Variants in NAV3 observed in about 807,000 individuals in gnomAD.
NAV3 encodes the protein neuron navigator 3.
A neutral mutation model predicts 244.7 loss-of-function variants in NAV3; 87 were observed. That is an observed-to-expected ratio of 0.36 (90% CI 0.30 to 0.42). The LOEUF (loss-of-function observed/expected upper bound fraction) is 0.42. NAV3 is among the 20% of genes least tolerant of loss of function. The pLI is 1.00. For synonymous variants in NAV3, 1,126 were observed against 1,042.2 expected (o/e 1.08, Z -1.55); for missense variants, 2,663 against 2,893.3 (o/e 0.92, Z 1.83).
Position 77,976,292 on chromosome 12 carries a change from T to C in NAV3, c.671+7590T>C, listed in dbSNP as rs185622396. Among the ~76,000 whole-genome samples, 7 of 152,170 alleles carry C rather than the reference T, an allele frequency of 4.6e-5. No homozygotes were observed. In the South Asian group the frequency reaches 1.2e-3, roughly 27 times the overall value. On this transcript the variant is annotated intron_variant, in intron 5 of 39. Transcript: ENST00000397909. ...AGATGGAGCCTATAGATAAAAATCA[T>C]GGAAAAATAAGCAGATAGCAACAAT... is the stretch of plus-strand genomic sequence containing the variant.
intron 35 of NAV3, 58 bp downstream of exon 35, chr12:78,197,459 C>A: frequency 1.5e-6 from 2 of 1,344,858 alleles, no homozygotes; most frequent in South Asian, 1.6e-5. Flanking sequence ...TCAAATTTGC[C>A]TTCTTGTACC....
At chr12:77,901,146 G>A (rs1033075297) in intron 1 of NAV3, among the ~76,000 whole-genome samples, 5 of 152,166 alleles carry the variant, frequency 3.3e-5, no homozygotes, top group Non-Finnish European at 7.4e-5. Context: ...TGCACAGTTT[G>A]AGAATATTTT....
chr12:77,617,414 T>C (rs1871183640), intron 2 of NAV3, among the ~76,000 whole-genome samples: 1 of 152,174 alleles, frequency 6.6e-6, no homozygotes. Context: ...TTTGGATTAC[T>C]TGTCCTGGGG....
At chr12:77,687,326 T>C (rs1223171965) in intron 2 of NAV3, among the ~76,000 whole-genome samples, 1 of 150,438 alleles carries the variant, frequency 6.6e-6, no homozygotes, top group African/African-American at 2.4e-5. Context: ...TTGGACACAC[T>C]ATGTGTGCAT....
chr12:77,755,038 C>A (rs1394415111), intron 2 of NAV3, among the ~76,000 whole-genome samples: 2 of 152,104 alleles, frequency 1.3e-5, no homozygotes, highest in Non-Finnish European at 2.9e-5. Context: ...GAATTAAAAA[C>A]AATTCCAAAC....
intron 9 of NAV3, among the ~76,000 whole-genome samples, chr12:78,028,656 T>A (rs1299910483): frequency 6.6e-6 from 1 of 152,200 alleles, no homozygotes; most frequent in Non-Finnish European, 1.5e-5. Context: ...ACCAGTTTAT[T>A]ATTATGCTAA....
intron 2 of NAV3, among the ~76,000 whole-genome samples, chr12:77,756,533 T>C (rs74106533): frequency 0.041 from 6,195 of 152,282 alleles, 410 homozygotes; most frequent in African/African-American, 0.14. Flanking sequence ...GACATGCTCC[T>C]TTAGGAACTG....
chr12:77,664,283 T>C (rs1181609717), intron 2 of NAV3, among the ~76,000 whole-genome samples: 1 of 152,198 alleles, frequency 6.6e-6, no homozygotes, highest in African/African-American at 2.4e-5. Context: ...CCTACTTATA[T>C]ATCAGAACAG....
intron 2 of NAV3, among the ~76,000 whole-genome samples, chr12:77,668,768 C>G (rs1873832924): frequency 6.6e-6 from 1 of 152,118 alleles, no homozygotes; most frequent in East Asian, 1.9e-4. Flanking sequence ...TGCTAGAGAT[C>G]TAGATGTCCA....
rs569633657 is a variant in NAV3, at chr12:77,938,345, T to C, written c.244-1974T>C. ...AATAAAAGCATCCACCTAAAAATCA[T>C]GTATTTGTGTGCTAATTCAGGAGAC... On this transcript the variant is annotated intron_variant, in intron 1 of 39. Transcript: ENST00000397909. Among the ~76,000 whole-genome samples the C allele has an allele frequency of 2.6e-5, 4 of 152,304 alleles. No homozygotes were observed. In the South Asian group the frequency reaches 6.2e-4, roughly 24 times the overall value.
intron 2 of NAV3, among the ~76,000 whole-genome samples, chr12:77,616,994 C>T (rs971578125): frequency 3.9e-5 from 6 of 152,160 alleles, no homozygotes; most frequent in African/African-American, 9.7e-5. Flanking sequence ...ATAGCATTGA[C>T]ATGATACTAA....
chr12:77,587,164 T>C (rs1176985468), intron 2 of NAV3, among the ~76,000 whole-genome samples: 1 of 152,164 alleles, frequency 6.6e-6, no homozygotes, highest in Non-Finnish European at 1.5e-5. Flanking sequence ...TTATCTATAA[T>C]AAATTATTTG....
intron 2 of NAV3, among the ~76,000 whole-genome samples, chr12:77,701,753 T>C (rs980666968): frequency 2.6e-5 from 4 of 152,048 alleles, no homozygotes; most frequent in African/African-American, 7.2e-5. Context: ...GTTGTTTTAG[T>C]AGCATGTTCA....
At chr12:77,706,550 C>A (rs1208555003) in intron 2 of NAV3, among the ~76,000 whole-genome samples, 1 of 151,022 alleles carries the variant, frequency 6.6e-6, no homozygotes, top group Non-Finnish European at 1.5e-5. Context: ...CGGTGAAATT[C>A]AGAATATATG....
chr12:78,128,360 C>A (rs1351880222), intron 17 of NAV3, among the ~76,000 whole-genome samples: 2 of 151,940 alleles, frequency 1.3e-5, no homozygotes, highest in Non-Finnish European at 2.9e-5. Context: ...TGGCCCGCCA[C>A]TGTCCTCCAT....
At chr12:77,769,665 G>A (rs889303658) in intron 2 of NAV3, among the ~76,000 whole-genome samples, 1 of 152,132 alleles carries the variant, frequency 6.6e-6, no homozygotes, top group African/African-American at 2.4e-5. Flanking sequence ...ATCTCAAGTG[G>A]ATTACTTTTG....
At chr12:78,178,127 T>C (rs532748572) in intron 28 of NAV3, among the ~76,000 whole-genome samples, 3 of 151,598 alleles carry the variant, frequency 2.0e-5, no homozygotes, top group Non-Finnish European at 2.9e-5. Flanking sequence ...ATAATAGTTA[T>C]ATTAATGTGG....
chr12:77,907,281 G>A (rs1464769175), intron 1 of NAV3, among the ~76,000 whole-genome samples: 1 of 152,122 alleles, frequency 6.6e-6, no homozygotes, highest in African/African-American at 2.4e-5. Context: ...TAACATGTAT[G>A]TATTCCCAAG....
intron 5 of NAV3, among the ~76,000 whole-genome samples, chr12:77,979,092 T>A (rs1044578943): frequency 6.6e-6 from 1 of 151,602 alleles, no homozygotes; most frequent in Non-Finnish European, 1.5e-5. Flanking sequence ...AAATCATAAT[T>A]GTCTGGGCAT....
Sources: allele counts gnomAD v4.1 joint callset (sites outside exome capture counted in the v4.1 genomes callset), GRCh38; gene constraint gnomAD v4.1.1; transcripts MANE v1.5; gene names NCBI Gene and HGNC (gene_info 2026-07-23, HGNC 2026-07-21).